PPFIBP2: variants seen among roughly 807,000 people sequenced by gnomAD.
PPFIBP2 encodes the protein PPFIB scaffold protein 2.
PPFIBP2 carries 118 observed loss-of-function variants against 118.3 expected under a neutral mutation model. The observed-to-expected ratio is 1.00, with a 90% CI of 0.86 to 1.16. The LOEUF is 1.16. Among genes scored for constraint, PPFIBP2 ranks in the 50% most tolerant of loss-of-function variants. PPFIBP2 has a pLI of 0.00. For missense variants in PPFIBP2, 1,195 were observed against 1,073.1 expected (o/e 1.11, Z -1.59); for synonymous variants, 414 against 397.4 (o/e 1.04, Z -0.50).
rs375233515 is a variant in PPFIBP2 at position 7,648,454 on chromosome 11, C to T, written c.1714C>T (p.Leu572=). The change falls in exon 18 of 24, where the codon CTG becomes TTG. Residue 572 remains leucine, a synonymous_variant. Transcript: ENST00000299492. ...RVCAWLEDFG[L]AQYVIFARQW... is the part of the protein sequence containing the mutation. Reference sequence around the variant, plus strand: ...GTGTGCATGGCTGGAGGACTTTGGCCTGGCTCAGTATGTGATCTTTGCCAG... The same window carrying T: ...GTGTGCATGGCTGGAGGACTTTGGCTTGGCTCAGTATGTGATCTTTGCCAG... 6.0e-5 allele frequency: 97 copies of T among 1,614,072 alleles called. 1 individual carries two copies. The South Asian group carries it at 7.8e-4, about 13-fold the overall frequency.
chr11:7,528,005 G>C (rs1850375332), intron 1 of PPFIBP2, among the ~76,000 whole-genome samples: 1 of 152,184 alleles, frequency 6.6e-6, no homozygotes, highest in Non-Finnish European at 1.5e-5. Context: ...GCTTCAAGAA[G>C]ATACCTGATC....
intron 14 of PPFIBP2, among the ~76,000 whole-genome samples, chr11:7,638,925 A>G (rs1287848511): frequency 6.6e-6 from 1 of 152,212 alleles, no homozygotes; most frequent in Non-Finnish European, 1.5e-5. Context: ...CTATGATCCT[A>G]AGTTCCCAAA....
At chr11:7,521,036 A>T (rs1849711452) in intron 1 of PPFIBP2, among the ~76,000 whole-genome samples, 1 of 152,184 alleles carries the variant, frequency 6.6e-6, no homozygotes, top group Non-Finnish European at 1.5e-5. Context: ...AGATCTCCTT[A>T]GTGCCTCAAG....
At chr11:7,641,358 T>G (rs1852166062) in intron 15 of PPFIBP2, 121 bp from the exon 16 acceptor site, 1 of 1,170,600 alleles carries the variant, frequency 8.5e-7, no homozygotes, top group Non-Finnish European at 1.2e-6. Flanking sequence ...AGTTCTGCCC[T>G]GAAGGCAGAA....
chr11:7,656,484 T>C (rs911034205), downstream of PPFIBP2, among the ~76,000 whole-genome samples: 3 of 152,254 alleles, frequency 2.0e-5, no homozygotes, highest in African/African-American at 7.2e-5. Flanking sequence ...CTTGCCCTTA[T>C]GATCTAGGCC....
intron 3 of PPFIBP2, among the ~76,000 whole-genome samples, chr11:7,592,731 TGTA>T (rs2135239601): frequency 6.6e-6 from 1 of 152,320 alleles, no homozygotes; most frequent in African/African-American, 2.4e-5. Flanking sequence ...GCTGTTCCCA[TGTA>T]GTCCCTTGGA....
intron 3 of PPFIBP2, among the ~76,000 whole-genome samples, chr11:7,578,952 C>A (rs569115143): frequency 6.6e-6 from 1 of 151,860 alleles, no homozygotes; most frequent in Admixed American, 6.5e-5. Context: ...AGGCTGGGAT[C>A]ACGCAGGACA....
At chr11:7,538,860 T>C (rs1017290732) in intron 1 of PPFIBP2, among the ~76,000 whole-genome samples, 1 of 152,102 alleles carries the variant, frequency 6.6e-6, no homozygotes, top group Non-Finnish European at 1.5e-5. Flanking sequence ...GCAGTTCTGA[T>C]AGATCTCAGC....
chr11:7,604,578 A>G (rs1847111440), intron 5 of PPFIBP2, among the ~76,000 whole-genome samples: 1 of 150,942 alleles, frequency 6.6e-6, no homozygotes. Flanking sequence ...ACACCTACTC[A>G]CCCACCCATC....
intron 14 of PPFIBP2, among the ~76,000 whole-genome samples, chr11:7,637,180 C>T (rs556736906): frequency 1.3e-5 from 2 of 152,314 alleles, no homozygotes; most frequent in South Asian, 4.1e-4. Flanking sequence ...GTGCATGGAT[C>T]ACAAGCCTTT....
intron 1 of PPFIBP2, among the ~76,000 whole-genome samples, chr11:7,545,597 A>G (rs1852243846): frequency 6.6e-6 from 1 of 152,176 alleles, no homozygotes; most frequent in South Asian, 2.1e-4. Flanking sequence ...GAAACATCGT[A>G]TTCTATATAT....
In PPFIBP2 at chr11:7,648,496, G is replaced by C. The variant is rs999782638; in HGVS notation, c.1756G>C (p.Gly586Arg). The C allele has an allele frequency of 6.2e-7, 1 of 1,614,032 alleles. No homozygotes were observed. Among genetic ancestry groups the C allele is most frequent in the Admixed American group, 1.7e-5 (1 of 60,004 alleles). Residue 586 changes from glycine to arginine, a missense_variant, in exon 18 of 24, where the codon GGC (glycine) becomes CGC (arginine). By Grantham distance (125) the Gly-to-Arg change is moderately radical (BLOSUM62 -2). Coordinates refer to ENST00000299492, the MANE Select transcript of PPFIBP2 (RefSeq NM_003621.5). ...CTTTGCCAGGCAGTGGGTATCTTCTGGCCACACCTTATTGACAGCCACCCC... is the reference window on the plus strand; with the variant it reads ...CTTTGCCAGGCAGTGGGTATCTTCTCGCCACACCTTATTGACAGCCACCCC... ...VIFARQWVSS[G>R]HTLLTATPQD...
intron 1 of PPFIBP2, among the ~76,000 whole-genome samples, chr11:7,538,729 C>T (rs909297972): frequency 7.2e-6 from 1 of 139,640 alleles, no homozygotes; most frequent in African/African-American, 2.9e-5. Flanking sequence ...CTGGGAATAC[C>T]CGGTGCATAA....
chr11:7,526,084 C>T (rs935339978), intron 1 of PPFIBP2, among the ~76,000 whole-genome samples: 5 of 152,116 alleles, frequency 3.3e-5, no homozygotes, highest in Admixed American at 6.5e-5. Flanking sequence ...AGGGCCAAAC[C>T]GCTGTTTTAG....
intron 3 of PPFIBP2, among the ~76,000 whole-genome samples, chr11:7,582,370 C>T (rs1266419665): frequency 2.6e-5 from 4 of 152,178 alleles, no homozygotes; most frequent in Non-Finnish European, 4.4e-5. Context: ...CCAACACACC[C>T]GAGATGCCTG....
At chr11:7,665,408 A>G in the PPFIBP2 span, 5 of 1,604,536 alleles carry the variant, frequency 3.1e-6, no homozygotes, top group African/African-American at 6.7e-5. Context: ...GGTATAACCC[A>G]GCTTCTCCAG....
At chr11:7,628,478 A>AGGCACAAGTCATTCTCC in intron 9 of PPFIBP2, 132 bp downstream of exon 9, 1 of 860,104 alleles carries the variant, frequency 1.2e-6, no homozygotes, top group Non-Finnish European at 1.8e-6. Flanking sequence ...TGTCAGGAGA[A>AGGCACAAGTCATTCTCC]TGACTTGTGC....
chr11:7,590,919 A>T (rs1432277900), intron 3 of PPFIBP2, among the ~76,000 whole-genome samples: 2 of 152,206 alleles, frequency 1.3e-5, no homozygotes, highest in African/African-American at 4.8e-5. Flanking sequence ...GCTCCGGAAT[A>T]ATTATGCTTC....
intron 19 of PPFIBP2, 49 bp downstream of exon 19, chr11:7,648,960 A>G: frequency 6.5e-7 from 1 of 1,529,262 alleles, no homozygotes; most frequent in Non-Finnish European, 9.0e-7. Flanking sequence ...AGCAACTAAG[A>G]GTAGAAAGAA....
Sources: allele counts gnomAD v4.1 joint callset (sites outside exome capture counted in the v4.1 genomes callset), GRCh38; gene constraint gnomAD v4.1.1; transcripts MANE v1.5; gene names NCBI Gene and HGNC (gene_info 2026-07-23, HGNC 2026-07-21).